Variants in DMRT1 observed in about 807,000 individuals in gnomAD.
DMRT1 encodes the protein doublesex- and mab-3-related transcription factor 1.
A neutral mutation model predicts 32.3 loss-of-function variants in DMRT1; 7 were observed. The observed-to-expected ratio is 0.22, with a 90% CI of 0.12 to 0.41. The LOEUF (loss-of-function observed/expected upper bound fraction) is 0.41. DMRT1 is among the 10% of genes least tolerant of loss of function. The probability of loss-of-function intolerance (pLI) is 1.00; values close to 1 mark genes in which losing one functional copy is unlikely to be tolerated. For synonymous variants in DMRT1, 278 were observed against 206.1 expected, an observed-to-expected ratio of 1.35 and a Z score of -2.99; for missense variants, 625 against 500.5, an observed-to-expected ratio of 1.25 and a Z score of -2.37.
intron 4 of DMRT1, among the ~76,000 whole-genome samples, chr9:942,636 A>G (rs879873197): frequency 1.2e-4 from 19 of 152,016 alleles, no homozygotes; most frequent in Non-Finnish European, 2.6e-4. Flanking sequence ...TAAAAACACT[A>G]TACCTGTGGT....
chr9:950,359 C>T (rs1157315388), intron 4 of DMRT1, among the ~76,000 whole-genome samples: 1 of 152,022 alleles, frequency 6.6e-6, no homozygotes, highest in Non-Finnish European at 1.5e-5. Flanking sequence ...TGAGGAACAC[C>T]ACCAGCAAGC....
chr9:855,985 C>T (rs561127837), intron 2 of DMRT1, among the ~76,000 whole-genome samples: 12 of 152,022 alleles, frequency 7.9e-5, no homozygotes, highest in Non-Finnish European at 1.0e-4. Flanking sequence ...GGCATGATCT[C>T]GGCTCACTGC....
intron 4 of DMRT1, among the ~76,000 whole-genome samples, chr9:964,196 G>GTTTT (rs577644286): frequency 6.6e-6 from 1 of 150,478 alleles, no homozygotes; most frequent in African/African-American, 2.5e-5. Context: ...AGAGTTTTGT[G>GTTTT]GTTTTTTTTT....
intron 4 of DMRT1, among the ~76,000 whole-genome samples, chr9:959,915 C>T (rs1443468792): frequency 6.6e-6 from 1 of 152,228 alleles, no homozygotes; most frequent in African/African-American, 2.4e-5. Flanking sequence ...CTTGTGAAGG[C>T]TACATTCCAT....
chr9:956,874 C>G (rs1217349960), intron 4 of DMRT1, among the ~76,000 whole-genome samples: 1 of 152,182 alleles, frequency 6.6e-6, no homozygotes, highest in Non-Finnish European at 1.5e-5. Flanking sequence ...TGAGAAGCCC[C>G]TTAAGAAAGT....
intron 2 of DMRT1, among the ~76,000 whole-genome samples, chr9:860,969 G>A (rs1316337423): frequency 6.6e-6 from 1 of 152,082 alleles, no homozygotes; most frequent in Non-Finnish European, 1.5e-5. Context: ...GTATACCACG[G>A]AAAGGGTTGG....
At chr9:880,739 AAAAAG>A (rs1564219567) in intron 2 of DMRT1, among the ~76,000 whole-genome samples, 67 of 149,208 alleles carry the variant, frequency 4.5e-4, no homozygotes, top group Non-Finnish European at 6.8e-4. Flanking sequence ...AAAAAAAAAA[AAAAAG>A]AAAAGAAAAG....
rs1018737548 is a variant in DMRT1, at chr9:885,754, C to T, written c.539-8158C>T. Among the ~76,000 whole-genome samples the T allele has an allele frequency of 1.4e-4, 21 of 150,990 alleles. 1 individual carries two copies. Among genetic ancestry groups the T allele is most frequent in the African/African-American group, 5.2e-4 (21 of 40,282 alleles). ...TCTTCAGCTAGTCCATGGGCACAGG[C>T]TTCTGCAGTGGAGCCTTCGCAAGGG... is the stretch of plus-strand genomic sequence containing the variant. On this transcript the variant is annotated intron_variant, in intron 2 of 4. Transcript: ENST00000382276.
chr9:849,525 G>A (rs1014579250), intron 2 of DMRT1, among the ~76,000 whole-genome samples: 1 of 152,188 alleles, frequency 6.6e-6, no homozygotes, highest in African/African-American at 2.4e-5. Flanking sequence ...AAGGACTTTA[G>A]GCTATGCAGA....
intron 4 of DMRT1, among the ~76,000 whole-genome samples, chr9:922,465 C>A (rs188996682): frequency 1.3e-5 from 2 of 152,230 alleles, no homozygotes; most frequent in Admixed American, 6.5e-5. Flanking sequence ...CCACAGCAGC[C>A]CCTGTGTTTT....
chr9:937,091 A>G (rs1216688930), intron 4 of DMRT1, among the ~76,000 whole-genome samples: 1 of 152,186 alleles, frequency 6.6e-6, no homozygotes, highest in African/African-American at 2.4e-5. Flanking sequence ...AAATGGAATG[A>G]TGCCATATTT....
At chr9:894,873 G>A (rs1817294902) in intron 3 of DMRT1, 1 of 154,252 alleles carries the variant, frequency 6.5e-6, no homozygotes, top group African/African-American at 2.4e-5. Context: ...GAGTGCAGTG[G>A]TAGGATCTCA....
intron 3 of DMRT1, among the ~76,000 whole-genome samples, chr9:910,516 G>C (rs1817935402): frequency 1.3e-5 from 2 of 150,510 alleles, no homozygotes; most frequent in African/African-American, 4.9e-5. Flanking sequence ...CTGGTATTTG[G>C]GATTTTTTTT....
chr9:853,373 A>G (rs1163229319), intron 2 of DMRT1, among the ~76,000 whole-genome samples: 1 of 152,202 alleles, frequency 6.6e-6, no homozygotes, highest in South Asian at 2.1e-4. Context: ...CCACTGTCCT[A>G]AAAATTCTCT....
chr9:861,446 G>T (rs1040409333), intron 2 of DMRT1, among the ~76,000 whole-genome samples: 1 of 152,284 alleles, frequency 6.6e-6, no homozygotes, highest in African/African-American at 2.4e-5. Flanking sequence ...GAACAAAATG[G>T]AGTCTCCTAT....
chr9:917,779 A>G (rs779650205), intron 4 of DMRT1, among the ~76,000 whole-genome samples: 7 of 152,250 alleles, frequency 4.6e-5, no homozygotes, highest in Non-Finnish European at 1.0e-4. Context: ...TCAGAACCAG[A>G]AAGTCTAAAA....
At chr9:928,068 G>A (rs945023490) in intron 4 of DMRT1, among the ~76,000 whole-genome samples, 22 of 152,114 alleles carry the variant, frequency 1.4e-4, no homozygotes, top group African/African-American at 4.3e-4. Context: ...CAAAATCCTA[G>A]TGCTGCCTAG....
intron 4 of DMRT1, among the ~76,000 whole-genome samples, chr9:954,930 C>A (rs1160809207): frequency 6.6e-6 from 1 of 152,098 alleles, no homozygotes; most frequent in Non-Finnish European, 1.5e-5. Context: ...ATGAGCCACT[C>A]CGCCTGGCCG....
chr9:887,785 G>A (rs1816988633), intron 2 of DMRT1, among the ~76,000 whole-genome samples: 1 of 152,106 alleles, frequency 6.6e-6, no homozygotes, highest in African/African-American at 2.4e-5. Flanking sequence ...TGTCACTGCG[G>A]CACTTGGATT....
Sources: gnomAD v4.1 joint callset for allele counts (sites outside exome capture counted in the v4.1 genomes callset) on GRCh38, gnomAD v4.1.1 for gene constraint, MANE v1.5 for transcripts, NCBI Gene and HGNC (gene_info 2026-07-23, HGNC 2026-07-21) for gene names.